CADM2: variants seen among roughly 807,000 people sequenced by gnomAD.
CADM2 encodes cell adhesion molecule 2.
A neutral mutation model predicts 49.8 loss-of-function variants in CADM2; 12 were observed. That is an observed-to-expected ratio of 0.24 (90% CI 0.15 to 0.39). The LOEUF (loss-of-function observed/expected upper bound fraction) is 0.39. Ranked by LOEUF, CADM2 falls within the 10% of genes least tolerant of loss-of-function variation. CADM2 has a pLI of 1.00. For missense variants in CADM2, 378 were observed against 492.3 expected (o/e 0.77, Z 2.20); for synonymous variants, 214 against 175.4 (o/e 1.22, Z -1.74).
chr3:85,776,265 A>G (rs1196600221), intron 2 of CADM2, among the ~76,000 whole-genome samples: 2 of 151,826 alleles, frequency 1.3e-5, no homozygotes, highest in Non-Finnish European at 2.9e-5. Flanking sequence ...CAGACTTAGT[A>G]GCCAAATAGT....
At position 85,966,803 on chromosome 3, in the gene CADM2, A is replaced by G. The variant is rs548140829; in HGVS notation, c.970+5156A>G. Among the ~76,000 whole-genome samples the G allele has an allele frequency of 2.0e-5, 3 of 151,836 alleles. No homozygotes were observed. In the East Asian group the frequency reaches 5.9e-4, roughly 30 times the overall value. On this transcript the variant is annotated intron_variant, in intron 8 of 9. Transcript: ENST00000383699. ...TTATTTGTTCATGTGTCTATTAAAC[A>G]GTGATGGAAATATGATACTGCTTTT...
chr3:85,599,015 A>G (rs1868533), intron 1 of CADM2, among the ~76,000 whole-genome samples: 133,110 of 151,848 alleles, frequency 0.88, 58,478 homozygotes, highest in East Asian at 0.95. Flanking sequence ...ACCCTTAAGA[A>G]TTATATTGAA....
intron 1 of CADM2, among the ~76,000 whole-genome samples, chr3:85,454,260 G>C (rs922915144): frequency 1.3e-5 from 2 of 152,076 alleles, no homozygotes; most frequent in Non-Finnish European, 2.9e-5. Flanking sequence ...GAACCCGGGA[G>C]GTGGAGGTTG....
chr3:85,156,556 A>G (rs951873996), intron 1 of CADM2, among the ~76,000 whole-genome samples: 1 of 152,184 alleles, frequency 6.6e-6, no homozygotes, highest in Non-Finnish European at 1.5e-5. Context: ...ACAAGGAGGA[A>G]CTGGTACCAT....
intron 1 of CADM2, among the ~76,000 whole-genome samples, chr3:85,208,501 G>A (rs1576121738): frequency 6.6e-6 from 1 of 152,038 alleles, no homozygotes; most frequent in Non-Finnish European, 1.5e-5. Flanking sequence ...TTTGCAGGGG[G>A]TGAAGATTTT....
chr3:85,306,979 A>C (rs944821329), intron 1 of CADM2, among the ~76,000 whole-genome samples: 1 of 151,304 alleles, frequency 6.6e-6, no homozygotes, highest in African/African-American at 2.4e-5. Flanking sequence ...TTTAACTGTT[A>C]CTCCCTTTAT....
intron 2 of CADM2, among the ~76,000 whole-genome samples, chr3:85,773,693 A>G (rs2070215773): frequency 6.6e-6 from 1 of 152,000 alleles, no homozygotes; most frequent in African/African-American, 2.4e-5. Flanking sequence ...GAAAGACTAG[A>G]GATTGATGCT....
intron 1 of CADM2, among the ~76,000 whole-genome samples, chr3:85,277,734 A>G (rs879562985): frequency 3.3e-5 from 5 of 151,372 alleles, no homozygotes; most frequent in Non-Finnish European, 5.9e-5. Flanking sequence ...AGGATTGGCT[A>G]TTTAAGTGAT....
intron 1 of CADM2, among the ~76,000 whole-genome samples, chr3:85,231,274 A>C (rs975940785): frequency 2.0e-5 from 3 of 152,148 alleles, no homozygotes; most frequent in Non-Finnish European, 4.4e-5. Context: ...TTTGTGTGCA[A>C]ATTCTCCCAA....
intron 1 of CADM2, among the ~76,000 whole-genome samples, chr3:85,445,323 T>G (rs1439983949): frequency 6.6e-6 from 1 of 152,104 alleles, no homozygotes; most frequent in Non-Finnish European, 1.5e-5. Flanking sequence ...ATGCAGTACA[T>G]AGTCATGAAC....
intron 1 of CADM2, among the ~76,000 whole-genome samples, chr3:85,515,622 T>C (rs1217191066): frequency 8.6e-6 from 1 of 116,388 alleles, no homozygotes; most frequent in African/African-American, 3.6e-5. Context: ...TATATATATA[T>C]ATATATATAT....
At chr3:85,463,677 T>C (rs1376802200) in intron 1 of CADM2, among the ~76,000 whole-genome samples, 2 of 152,170 alleles carry the variant, frequency 1.3e-5, no homozygotes, top group African/African-American at 4.8e-5. Flanking sequence ...ATATGTTCTT[T>C]GACTGAGATA....
At chr3:85,870,263 T>G (rs2075876088) in intron 3 of CADM2, among the ~76,000 whole-genome samples, 1 of 151,992 alleles carries the variant, frequency 6.6e-6, no homozygotes, top group Non-Finnish European at 1.5e-5. Flanking sequence ...TTTTTTTAAC[T>G]TTTACTTTAG....
intron 1 of CADM2, among the ~76,000 whole-genome samples, chr3:85,633,247 T>G (rs1475230284): frequency 6.6e-6 from 1 of 152,126 alleles, no homozygotes; most frequent in Non-Finnish European, 1.5e-5. Flanking sequence ...TTGTTTGTTT[T>G]AAAGCTGGAA....
At chr3:85,581,661 T>G (rs900761642) in intron 1 of CADM2, among the ~76,000 whole-genome samples, 9 of 152,224 alleles carry the variant, frequency 5.9e-5, no homozygotes, top group African/African-American at 1.7e-4. Flanking sequence ...TGCCCAATAA[T>G]CCCTGAAGCT....
Position 86,069,260 on chromosome 3 carries a change from T to A in CADM2, c.*2477T>A, listed in dbSNP as rs1474238628. Reference sequence around the variant, plus strand: ...ATCCAAAATTGGTTGCATTTCATGATTTTTGACTCTTTTAACCCTTCAGAG... The same window carrying A: ...ATCCAAAATTGGTTGCATTTCATGAATTTTGACTCTTTTAACCCTTCAGAG... On this transcript the variant is annotated 3_prime_UTR_variant, in exon 10 of 10. Coordinates refer to ENST00000383699, the MANE Select transcript of CADM2 (RefSeq NM_001167675.2). 6.6e-6 allele frequency: 1 copy of A among 151,984 alleles called. No homozygotes were observed. The highest frequency in any genetic ancestry group is 1.5e-5 in the Non-Finnish European group (1 of 67,892). 9.4% of individuals were successfully genotyped at this position (151,984 alleles called of 1,614,324 possible).
chr3:85,041,291 G>T (rs1374989005), intron 1 of CADM2, among the ~76,000 whole-genome samples: 1 of 151,884 alleles, frequency 6.6e-6, no homozygotes, highest in Non-Finnish European at 1.5e-5. Context: ...TTTTATCAGG[G>T]TGTAATTTTA....
At chr3:85,541,746 TTATATA>T (rs1281123672) in intron 1 of CADM2, among the ~76,000 whole-genome samples, 4 of 27,774 alleles carry the variant, frequency 1.4e-4, no homozygotes, top group South Asian at 1.6e-3. Context: ...TATATATATT[TTATATA>T]TTTTATATAT....
At chr3:85,296,328 C>T (rs887260395) in intron 1 of CADM2, among the ~76,000 whole-genome samples, 2 of 151,524 alleles carry the variant, frequency 1.3e-5, no homozygotes, top group African/African-American at 4.9e-5. Context: ...GATTTGTAGG[C>T]AATAATTGAT....
Sources: gnomAD v4.1 joint callset for allele counts (sites outside exome capture counted in the v4.1 genomes callset) on GRCh38, gnomAD v4.1.1 for gene constraint, MANE v1.5 for transcripts, NCBI Gene and HGNC (gene_info 2026-07-23, HGNC 2026-07-21) for gene names.